FMN1: variants seen among roughly 807,000 people sequenced by gnomAD.
FMN1 encodes the protein formin-1.
FMN1 carries 110 observed loss-of-function variants against 132.4 expected under a neutral mutation model. That is an observed-to-expected ratio of 0.83 (90% CI 0.71 to 0.97). FMN1 has a LOEUF of 0.97. Ranked by LOEUF, FMN1 falls within the 50% of genes least tolerant of loss-of-function variation. The pLI, the probability that FMN1 is intolerant of heterozygous loss-of-function variation, is 0.00. For synonymous variants in FMN1, 722 were observed against 651.7 expected (o/e 1.11, Z -1.64); for missense variants, 1,792 against 1,705.3 (o/e 1.05, Z -0.90).
chr15:33,080,814 G>T (rs1329658400), intron 5 of FMN1, among the ~76,000 whole-genome samples: 3 of 151,916 alleles, frequency 2.0e-5, no homozygotes, highest in Non-Finnish European at 2.9e-5. Flanking sequence ...TTGAACCCAA[G>T]AGGCGGAGGT....
chr15:33,181,607 G>C (rs1965702465), intron 2 of FMN1, among the ~76,000 whole-genome samples: 1 of 152,152 alleles, frequency 6.6e-6, no homozygotes, highest in African/African-American at 2.4e-5. Context: ...CTGTGATATA[G>C]AGTCCAAATT....
chr15:33,083,448 C>T (rs949744359), intron 5 of FMN1, among the ~76,000 whole-genome samples: 5 of 152,052 alleles, frequency 3.3e-5, no homozygotes, highest in Non-Finnish European at 7.4e-5. Flanking sequence ...TGGCATTTTG[C>T]GTCCCAACAA....
chr15:33,113,440 T>TTA (rs2039791333), intron 4 of FMN1, among the ~76,000 whole-genome samples: 1 of 152,162 alleles, frequency 6.6e-6, no homozygotes, highest in African/African-American at 2.4e-5. Context: ...TGTTGTTGTC[T>TTA]TATACTGTTT....
intron 17 of FMN1, among the ~76,000 whole-genome samples, chr15:32,831,482 C>T (rs1477304026): frequency 3.9e-5 from 6 of 152,152 alleles, no homozygotes; most frequent in Non-Finnish European, 7.4e-5. Context: ...GCCTAGAACA[C>T]GGGAAGTGGA....
intron 8 of FMN1, among the ~76,000 whole-genome samples, chr15:32,967,709 A>AT (rs1171154962): frequency 6.6e-6 from 1 of 152,174 alleles, no homozygotes; most frequent in Non-Finnish European, 1.5e-5. Context: ...TATGAAGCAC[A>AT]TATGCTTAGT....
chr15:33,106,790 C>A (rs1415053026), intron 4 of FMN1, among the ~76,000 whole-genome samples: 1 of 152,032 alleles, frequency 6.6e-6, no homozygotes, highest in Non-Finnish European at 1.5e-5. Context: ...CTCCCCAATC[C>A]CTTGGCCAAC....
At chr15:33,175,388 G>A (rs1401029745) in intron 3 of FMN1, among the ~76,000 whole-genome samples, 1 of 152,062 alleles carries the variant, frequency 6.6e-6, no homozygotes, top group Non-Finnish European at 1.5e-5. Flanking sequence ...TATTCTTTAA[G>A]AGCTAGGATT....
rs2056235252 is a variant in FMN1 at position 32,771,351 on chromosome 15, T to C, written c.*2959A>G. 6.6e-6 allele frequency: 1 copy of C among 151,300 alleles called. No individual in the cohort carries two copies. 9.4% of individuals were successfully genotyped at this position (151,300 alleles called of 1,614,324 possible). ...CGCTTGGCCTCCCAAAGTGCTGGGA[T>C]TATAGGCATGAGCCACCACGCCCGG... On this transcript the variant is annotated 3_prime_UTR_variant, in exon 21 of 21. Transcript: ENST00000616417.
intron 5 of FMN1, among the ~76,000 whole-genome samples, chr15:33,084,890 C>T (rs748435019): frequency 2.2e-4 from 34 of 152,178 alleles, no homozygotes; most frequent in Non-Finnish European, 3.8e-4. Context: ...TACCTTTCAT[C>T]ACGTACTAAT....
chr15:32,921,480 T>C (rs1282388213), intron 10 of FMN1, among the ~76,000 whole-genome samples: 4 of 152,114 alleles, frequency 2.6e-5, no homozygotes, highest in Non-Finnish European at 5.9e-5. Flanking sequence ...GTGATAGATA[T>C]TGCTGCATTC....
In FMN1 at chr15:33,159,059, G is replaced by A. The variant is rs561503745; in HGVS notation, c.-131-4014C>T. 5.3e-5 allele frequency among the ~76,000 whole-genome samples: 8 copies of A among 152,274 alleles called. No homozygotes were observed. In the East Asian group the frequency reaches 5.8e-4, roughly 11 times the overall value. On this transcript the variant is annotated intron_variant, in intron 3 of 20. Transcript: ENST00000616417. ...TAGACAGGCATGGTGGCACATGCCC[G>A]TAATCCCAGTTATTTGGGTGGCTAA...
chr15:32,965,488 C>T (rs1241529661), intron 8 of FMN1, among the ~76,000 whole-genome samples: 3 of 152,172 alleles, frequency 2.0e-5, no homozygotes, highest in Non-Finnish European at 2.9e-5. Flanking sequence ...ATGTTACAAT[C>T]CATAACATCT....
chr15:33,020,518 G>T (rs535825073), intron 6 of FMN1, among the ~76,000 whole-genome samples: 1 of 152,010 alleles, frequency 6.6e-6, no homozygotes, highest in Non-Finnish European at 1.5e-5. Flanking sequence ...GTGGTGGCAG[G>T]TGCCTGTAAT....
rs920784737 is a variant in FMN1, at chr15:33,088,820, G to C, written c.2022C>G (p.Ser674Arg). The C allele has an allele frequency of 4.6e-6, 7 of 1,535,416 alleles. No homozygotes were observed. The highest frequency in any genetic ancestry group is 6.1e-6 in the Non-Finnish European group (7 of 1,146,674). ...TTACATGGAGATCCAAGTACAATTC[G>C]CTCCTGTTTGACTTCTCCCTTTCCT... ...LHEEREKSNR[S>R]ELYLDLHPDH... Residue 674 changes from serine (S) to arginine (R), a missense_variant, in exon 5 of 21, where the codon AGC (serine) becomes AGG (arginine). Ser to Arg is a moderately radical substitution (Grantham distance 110). Around this residue, in one of 3 missense-constraint regions of FMN1, gnomAD observed 1,150 missense variants for 1,043.1 expected, o/e 1.10. Coordinates refer to ENST00000616417, the MANE Select transcript of FMN1 (RefSeq NM_001277313.2).
At chr15:32,783,206 T>C (rs916340225) in intron 19 of FMN1, among the ~76,000 whole-genome samples, 2 of 151,506 alleles carry the variant, frequency 1.3e-5, no homozygotes, top group Non-Finnish European at 2.9e-5. Flanking sequence ...TTTGGAAATA[T>C]AGGAAACAAA....
At chr15:32,967,106 T>C (rs1025270644) in intron 8 of FMN1, among the ~76,000 whole-genome samples, 1 of 152,240 alleles carries the variant, frequency 6.6e-6, no homozygotes, top group African/African-American at 2.4e-5. Context: ...TGCTCAAAAG[T>C]AAAGCCCTAG....
intron 7 of FMN1, among the ~76,000 whole-genome samples, chr15:32,976,647 G>A (rs1025901723): frequency 1.4e-4 from 21 of 152,194 alleles, no homozygotes; most frequent in African/African-American, 5.1e-4. Context: ...AGGACACTTA[G>A]AAACATGAGG....
chr15:32,987,451 A>G (rs1488882676), intron 7 of FMN1, among the ~76,000 whole-genome samples: 1 of 152,212 alleles, frequency 6.6e-6, no homozygotes, highest in Non-Finnish European at 1.5e-5. Context: ...TTTCAACGTT[A>G]GACCATCACC....
intron 19 of FMN1, among the ~76,000 whole-genome samples, chr15:32,794,423 G>A (rs2057206570): frequency 6.6e-6 from 1 of 152,108 alleles, no homozygotes; most frequent in African/African-American, 2.4e-5. Context: ...TAGGCCTTCT[G>A]TACCTTTTGC....
Sources: gnomAD v4.1 joint callset for allele counts (sites outside exome capture counted in the v4.1 genomes callset) on GRCh38, gnomAD v4.1.1 for gene constraint, gnomAD v4.1.1 regional missense constraint, MANE v1.5 for transcripts, NCBI Gene and HGNC (gene_info 2026-07-23, HGNC 2026-07-21) for gene names.